The following PTPRD variants were observed in gnomAD, a reference collection of about 807,000 sequenced individuals.
The protein encoded by PTPRD is receptor-type tyrosine-protein phosphatase delta.
Under a neutral mutation model 214.5 loss-of-function variants are expected in PTPRD, and 34 were observed. The ratio of observed to expected loss-of-function variants is 0.16; its 90% CI spans 0.12 to 0.21. The LOEUF is 0.21. Ranked by LOEUF, PTPRD falls within the 10% of genes least tolerant of loss-of-function variation. The pLI is 1.00. For missense variants in PTPRD, 2,545 were observed against 2,398.7 expected (o/e 1.06, Z -1.27); for synonymous variants, 1,128 against 845.7 (o/e 1.33, Z -5.79).
chr9:9,099,554 T>A (rs1379736904), intron 10 of PTPRD, among the ~76,000 whole-genome samples: 1 of 152,146 alleles, frequency 6.6e-6, no homozygotes, highest in African/African-American at 2.4e-5. Context: ...CCCATATAAC[T>A]ATGTGCAAAG....
chr9:9,951,171 A>G (rs927060647), intron 4 of PTPRD, among the ~76,000 whole-genome samples: 8 of 152,144 alleles, frequency 5.3e-5, no homozygotes, highest in African/African-American at 1.9e-4. Flanking sequence ...GGGACAATGG[A>G]ACTATGAGGT....
intron 11 of PTPRD, among the ~76,000 whole-genome samples, chr9:8,815,909 CT>C (rs894745533): frequency 6.6e-6 from 1 of 152,184 alleles, no homozygotes; most frequent in Non-Finnish European, 1.5e-5. Flanking sequence ...CATTAGCCTG[CT>C]TTAACCACTG....
At chr9:9,466,528 T>C (rs2094169409) in intron 8 of PTPRD, among the ~76,000 whole-genome samples, 1 of 152,174 alleles carries the variant, frequency 6.6e-6, no homozygotes, top group Admixed American at 6.5e-5. Flanking sequence ...TGATGAATTA[T>C]TTTCATTTAA....
intron 26 of PTPRD, among the ~76,000 whole-genome samples, chr9:8,494,189 G>A (rs2097209631): frequency 6.6e-6 from 1 of 152,066 alleles, no homozygotes; most frequent in African/African-American, 2.4e-5. Flanking sequence ...AAATACAGTA[G>A]GTTTTTTTTT....
At chr9:10,051,789 C>T (rs2097540399) in intron 3 of PTPRD, among the ~76,000 whole-genome samples, 1 of 152,150 alleles carries the variant, frequency 6.6e-6, no homozygotes, top group Non-Finnish European at 1.5e-5. Flanking sequence ...CTTCGACGGA[C>T]ACAATTACTC....
chr9:9,401,209 A>T (rs978055534), intron 8 of PTPRD, among the ~76,000 whole-genome samples: 1 of 152,094 alleles, frequency 6.6e-6, no homozygotes, highest in African/African-American at 2.4e-5. Context: ...TGAAATTCTT[A>T]TGAGTTTCAG....
In PTPRD at chr9:10,097,439, G is replaced by GAACTACAAAGGTCCTTAC. The variant is rs903409077; in HGVS notation, c.-544-63650_-544-63649insGTAAGGACCTTTGTAGTT. Among the ~76,000 whole-genome samples, 6 of 150,774 alleles carry GAACTACAAAGGTCCTTAC rather than the reference G, an allele frequency of 4.0e-5. No individual in the cohort carries two copies. The Admixed American group carries it at 4.0e-4, about 10-fold the overall frequency. On this transcript the variant is annotated intron_variant, in intron 3 of 45. Transcript: ENST00000381196. ...TGAGCAGTGTTTTGTAGTTCTCCTT[G>GAACTACAAAGGTCCTTAC]AAGAGGTCCTTCACATCCCTTGTAA...
intron 2 of PTPRD, among the ~76,000 whole-genome samples, chr9:10,471,139 C>A (rs1453938042): frequency 1.5e-5 from 2 of 134,908 alleles, no homozygotes; most frequent in Non-Finnish European, 3.1e-5. Flanking sequence ...ACACCAGGGC[C>A]TGTTGTGGGT....
At chr9:9,000,974 C>G (rs904949132) in intron 11 of PTPRD, among the ~76,000 whole-genome samples, 2 of 151,914 alleles carry the variant, frequency 1.3e-5, no homozygotes, top group Non-Finnish European at 2.9e-5. Context: ...CAGCAAAGCA[C>G]GCACAGCCAG....
intron 3 of PTPRD, among the ~76,000 whole-genome samples, chr9:10,191,138 C>G (rs981504224): frequency 6.6e-6 from 1 of 151,996 alleles, no homozygotes; most frequent in Non-Finnish European, 1.5e-5. Context: ...TTATGTGACA[C>G]TTTTTCATAA....
At chr9:8,551,062 T>C (rs2081965333) in intron 14 of PTPRD, among the ~76,000 whole-genome samples, 1 of 152,172 alleles carries the variant, frequency 6.6e-6, no homozygotes, top group South Asian at 2.1e-4. Context: ...TATGAAAACA[T>C]ATGATAAGAC....
intron 7 of PTPRD, among the ~76,000 whole-genome samples, chr9:9,589,960 A>G (rs949677014): frequency 6.6e-6 from 1 of 151,960 alleles, no homozygotes; most frequent in African/African-American, 2.4e-5. Context: ...CAAACTATTC[A>G]TACATTGTGA....
At chr9:8,540,008 G>C (rs531508369) in intron 14 of PTPRD, among the ~76,000 whole-genome samples, 110 of 152,240 alleles carry the variant, frequency 7.2e-4, no homozygotes, top group African/African-American at 2.5e-3. Context: ...TTAGGTAGGA[G>C]AATGCCTTGT....
At chr9:10,484,440 A>C (rs539548453) in intron 2 of PTPRD, among the ~76,000 whole-genome samples, 9 of 152,068 alleles carry the variant, frequency 5.9e-5, no homozygotes, top group African/African-American at 2.2e-4. Context: ...TAAAGCTCTT[A>C]AAGATTTTTA....
chr9:9,135,258 G>C (rs1256962446), intron 10 of PTPRD, among the ~76,000 whole-genome samples: 2 of 152,128 alleles, frequency 1.3e-5, no homozygotes, highest in African/African-American at 4.8e-5. Context: ...CAATTCCTCT[G>C]GCACCTAGTA....
chr9:9,245,826 G>A (rs770213173), intron 9 of PTPRD, among the ~76,000 whole-genome samples: 9 of 152,028 alleles, frequency 5.9e-5, no homozygotes, highest in African/African-American at 2.2e-4. Flanking sequence ...ACGTTTGAAT[G>A]TTTTTGGGAA....
intron 3 of PTPRD, among the ~76,000 whole-genome samples, chr9:10,130,949 A>C (rs990101554): frequency 2.6e-5 from 4 of 152,124 alleles, no homozygotes; most frequent in African/African-American, 9.7e-5. Flanking sequence ...GGAGCACAGA[A>C]CATTCAGAAA....
intron 12 of PTPRD, among the ~76,000 whole-genome samples, chr9:8,649,301 A>T (rs933011064): frequency 6.6e-6 from 1 of 152,230 alleles, no homozygotes; most frequent in Non-Finnish European, 1.5e-5. Context: ...TTGAGCCAAT[A>T]TGAATTTTTG....
intron 3 of PTPRD, among the ~76,000 whole-genome samples, chr9:10,096,415 T>C (rs1406977097): frequency 6.6e-6 from 1 of 151,942 alleles, no homozygotes; most frequent in African/African-American, 2.4e-5. Context: ...TTCCTGACTT[T>C]TTAATGATCG....
Sources: gnomAD v4.1 joint callset for allele counts (sites outside exome capture counted in the v4.1 genomes callset) on GRCh38, gnomAD v4.1.1 for gene constraint, MANE v1.5 for transcripts, NCBI Gene and HGNC (gene_info 2026-07-23, HGNC 2026-07-21) for gene names.